TUBGCP6: variants seen among roughly 807,000 people sequenced by gnomAD.
TUBGCP6 encodes the protein gamma-tubulin complex component 6.
Under a neutral mutation model 175.8 loss-of-function variants are expected in TUBGCP6, and 161 were observed. The ratio of observed to expected loss-of-function variants is 0.92; its 90% CI spans 0.81 to 1.04. The LOEUF is 1.04. Among genes scored for constraint, TUBGCP6 ranks in the 50% least tolerant of loss-of-function variants. The pLI is 0.00. For missense variants in TUBGCP6, 2,572 were observed against 2,433.0 expected (o/e 1.06, Z -1.20); for synonymous variants, 1,173 against 1,030.5 (o/e 1.14, Z -2.65).
intron 2 of TUBGCP6, among the ~76,000 whole-genome samples, chr22:50,234,847 C>A (rs936858394): frequency 1.3e-5 from 2 of 149,374 alleles, no homozygotes; most frequent in African/African-American, 5.0e-5. Flanking sequence ...CACCCACACC[C>A]CTGTCCCTGG....
At chr22:50,222,147 C>G in intron 14 of TUBGCP6, 45 bp from the exon 15 acceptor site, 1 of 1,588,520 alleles carries the variant, frequency 6.3e-7, no homozygotes, top group Non-Finnish European at 8.6e-7. Flanking sequence ...CGGAGTCAAG[C>G]ACAGCCCTAC....
chr22:50,220,301 G>A lies in TUBGCP6; in HGVS notation c.4058C>T (p.Thr1353Ile). 1.3e-6 allele frequency: 2 copies of A among 1,576,684 alleles called. No individual in the cohort carries two copies. Among genetic ancestry groups the A allele is most frequent in the African/African-American group, 1.3e-5 (1 of 74,212 alleles). Reference sequence around the variant, plus strand: ...CGGGGTGTTGGGCCACCATGGTTGGGTGGGAGCCACGTCTGACACGTTCTC... The same window carrying A: ...CGGGGTGTTGGGCCACCATGGTTGGATGGGAGCCACGTCTGACACGTTCTC... Reference protein sequence around the residue: ...VGENVSDVAPTQPWWPNTPGD... With the variant: ...VGENVSDVAPIQPWWPNTPGD... Residue 1353 changes from threonine to isoleucine, a missense_variant, in exon 16 of 25, where the codon ACC becomes ATC. Physicochemically the swap from Thr to Ile is moderately conservative, Grantham distance 89 (BLOSUM62 -1). Transcript: ENST00000248846.
chr22:50,219,565 C>A (rs2064480574), intron 18 of TUBGCP6, 79 bp downstream of exon 18: 2 of 1,591,434 alleles, frequency 1.3e-6, no homozygotes. Flanking sequence ...AGGGCTCCGC[C>A]CCAACCCACA....
In TUBGCP6 at chr22:50,243,829, G is replaced by T. The variant is rs1312198017; in HGVS notation, c.631C>A (p.Arg211=). 1 of 1,613,384 alleles carries T rather than the reference G, an allele frequency of 6.2e-7. No individual in the cohort carries two copies. The highest frequency in any genetic ancestry group is 1.3e-5 in the African/African-American group (1 of 74,836). Residue 211 remains arginine (R), a synonymous_variant, in exon 1 of 25, where the codon CGG becomes AGG. Transcript: ENST00000248846. The part of the protein sequence containing the change: ...PCGDRFERDT[R]VSLFGALVHS... ...ACAAGGGCCCCGAAGAGCGAGACCC[G>T]GGTGTCTCTCTCGAACCTGTCACCA... is the stretch of plus-strand genomic sequence containing the variant.
In TUBGCP6 at chr22:50,220,361, C is replaced by A; in HGVS notation, c.3998G>T (p.Ser1333Ile). 1.3e-6 allele frequency: 2 copies of A among 1,551,522 alleles called. No homozygotes were observed. Among genetic ancestry groups the A allele is most frequent in the Non-Finnish European group, 1.7e-6 (2 of 1,145,762 alleles). The stretch of plus-strand genomic sequence containing the variant: ...GATGCTCCCCTCCCCGCAGCCCGAG[C>A]TGGGGGAGGACAGAGATGGCCCCAC... ...VEVGPSLSSP[S>I]SGCGEGSISV... Residue 1333 changes from serine (S) to isoleucine (I), a missense_variant, in exon 16 of 25, where the codon AGC becomes ATC. Coordinates refer to ENST00000248846, the MANE Select transcript of TUBGCP6 (RefSeq NM_020461.4).
intron 1 of TUBGCP6, among the ~76,000 whole-genome samples, chr22:50,242,196 G>A (rs1021128152): frequency 6.6e-6 from 1 of 152,074 alleles, no homozygotes; most frequent in Admixed American, 6.5e-5. Flanking sequence ...GGAGGCTGAG[G>A]CGGGAGAATG....
chr22:50,217,881 GC>G, intron 24 of TUBGCP6, 36 bp downstream of exon 24: 4 of 1,605,226 alleles, frequency 2.5e-6, no homozygotes, highest in African/African-American at 1.3e-5. Context: ...CCCCGCCCTG[GC>G]CCCCCCGCAG....
chr22:50,229,428 CAA>C lies in TUBGCP6; in HGVS notation c.1264_1265del (p.Leu422ValfsTer144), dbSNP rs750504459. 1.2e-6 allele frequency: 2 copies of C among 1,613,690 alleles called. No homozygotes were observed. Among genetic ancestry groups the C allele is most frequent in the East Asian group, 2.2e-5 (1 of 44,890 alleles). On this transcript the variant is annotated frameshift_variant, in exon 4 of 25. Transcript: ENST00000248846. LOFTEE classifies it high-confidence loss of function. Reference sequence around the variant, plus strand: ...CCTGGAACACGAGGCCCTTGCTGTACAAAGAGTCCAGGACGGGCTGCAGAGAG... The same window carrying C: ...CCTGGAACACGAGGCCCTTGCTGTACAGAGTCCAGGACGGGCTGCAGAGAG... ...HFSLQPVLDS[L>X]YSKGLVFQAF...
intron 2 of TUBGCP6, among the ~76,000 whole-genome samples, chr22:50,238,754 G>T (rs1033221779): frequency 6.6e-6 from 1 of 151,992 alleles, no homozygotes; most frequent in African/African-American, 2.4e-5. Flanking sequence ...AGCCAGGATG[G>T]TCTCGATCTC....
chr22:50,225,674 G>C (rs945141281), intron 10 of TUBGCP6, 120 bp downstream of exon 10: 6 of 1,333,144 alleles, frequency 4.5e-6, no homozygotes, highest in Non-Finnish European at 5.9e-6. Context: ...CGCCAGGACA[G>C]AAAATGCCAG....
intron 4 of TUBGCP6, 68 bp from the exon 5 acceptor site, chr22:50,228,096 G>A: frequency 6.9e-7 from 1 of 1,457,288 alleles, no homozygotes; most frequent in Non-Finnish European, 9.1e-7. Flanking sequence ...GGGCCTGAGG[G>A]GCACCAGTGC....
intron 13 of TUBGCP6, chr22:50,222,842 T>G: frequency 2.0e-6 from 1 of 492,286 alleles, no homozygotes; most frequent in Non-Finnish European, 3.6e-6. Flanking sequence ...CAACATCTGC[T>G]GGACAAATAC....
In TUBGCP6 at chr22:50,227,785, G is replaced by A. The variant is rs1251062837; in HGVS notation, c.1412+122C>T. On this transcript the variant is annotated intron_variant, in intron 5 of 24. Coordinates refer to ENST00000248846, the MANE Select transcript of TUBGCP6 (RefSeq NM_020461.4). ...TCGGCCGGCCAAGGGCCATCCGGTCGCCTGCTGAGGGCTGTTCTCACAGGC... is the reference window on the plus strand; with the variant it reads ...TCGGCCGGCCAAGGGCCATCCGGTCACCTGCTGAGGGCTGTTCTCACAGGC... The A allele has an allele frequency of 8.7e-6, 12 of 1,372,060 alleles. No homozygotes were observed. In the East Asian group the frequency reaches 1.0e-4, roughly 12 times the overall value. 85.0% of individuals were successfully genotyped at this position (1,372,060 alleles called of 1,614,324 possible).
chr22:50,236,490 T>C (rs1160033159), intron 2 of TUBGCP6, among the ~76,000 whole-genome samples: 2 of 152,188 alleles, frequency 1.3e-5, no homozygotes, highest in South Asian at 2.1e-4. Context: ...CAGGCAGCCC[T>C]GGGCACATGC....
intron 6 of TUBGCP6, 28 bp from the exon 7 acceptor site, chr22:50,226,870 A>G (rs755104977): frequency 4.5e-6 from 7 of 1,560,176 alleles, no homozygotes; most frequent in South Asian, 1.2e-5. Context: ...GGTGGGGGGC[A>G]GCTCAGCGCA....
At chr22:50,222,407 C>T (rs1569113349) in intron 14 of TUBGCP6, 47 bp downstream of exon 14, 1 of 1,608,406 alleles carries the variant, frequency 6.2e-7, no homozygotes, top group Non-Finnish European at 8.5e-7. Flanking sequence ...GGTTTCCAGA[C>T]CCCCAAAGCC....
At chr22:50,241,434 G>A (rs769309835) in intron 1 of TUBGCP6, among the ~76,000 whole-genome samples, 1 of 152,102 alleles carries the variant, frequency 6.6e-6, no homozygotes, top group African/African-American at 2.4e-5. Context: ...GGGAGTTAGA[G>A]AAGACTCTGC....
chr22:50,226,285 A>AC lies in TUBGCP6; in HGVS notation c.1693+1dup, dbSNP rs2064607710. 1 of 1,613,738 alleles carries AC rather than the reference A, an allele frequency of 6.2e-7. No individual in the cohort carries two copies. The highest frequency in any genetic ancestry group is 1.7e-5 in the Admixed American group (1 of 59,982). On this transcript the variant is annotated splice_donor_variant, in intron 8 of 24. Coordinates refer to ENST00000248846, the MANE Select transcript of TUBGCP6 (RefSeq NM_020461.4). LOFTEE classifies it high-confidence loss of function. ...CCTGCCCCGCAATCAGCTGCCACCT[A>AC]CCTCGGAAGCTGAGGTACTCGTGGT...
Position 50,242,148 on chromosome 22 carries a change from A to C in TUBGCP6, c.741+1571T>G, listed in dbSNP as rs1187168109. ...TCTACTAAATATACAAAAAATTCGCAGGGCGTGGTGGCAGGCACCTGTAGT... is the reference window on the plus strand; with the variant it reads ...TCTACTAAATATACAAAAAATTCGCCGGGCGTGGTGGCAGGCACCTGTAGT... On this transcript the variant is annotated intron_variant, in intron 1 of 24. Coordinates refer to ENST00000248846, the MANE Select transcript of TUBGCP6 (RefSeq NM_020461.4). Among the ~76,000 whole-genome samples the C allele has an allele frequency of 2.0e-5, 3 of 152,124 alleles. No homozygotes were observed. In the East Asian group the frequency reaches 5.8e-4, roughly 29 times the overall value.
Sources: gnomAD v4.1 joint callset for allele counts (sites outside exome capture counted in the v4.1 genomes callset) on GRCh38, gnomAD v4.1.1 for gene constraint, MANE v1.5 for transcripts, NCBI Gene and HGNC (gene_info 2026-07-23, HGNC 2026-07-21) for gene names.